Variants in EXD3 observed in about 807,000 individuals in gnomAD.
EXD3 encodes exonuclease mut-7 homolog.
EXD3 carries 92 observed loss-of-function variants against 98.0 expected under a neutral mutation model. The ratio of observed to expected loss-of-function variants is 0.94; its 90% CI spans 0.79 to 1.12. The LOEUF (loss-of-function observed/expected upper bound fraction) is 1.12, where lower values mean the gene tolerates loss of function less well. Among genes scored for constraint, EXD3 ranks in the 50% most tolerant of loss-of-function variants. The probability of loss-of-function intolerance (pLI) is 0.00; values close to 1 mark genes in which losing one functional copy is unlikely to be tolerated. For missense variants in EXD3, 1,222 were observed against 1,191.6 expected, an observed-to-expected ratio of 1.03 and a Z score of -0.38; for synonymous variants, 569 against 526.0, an observed-to-expected ratio of 1.08 and a Z score of -1.12.
chr9:137,330,479 TACACAGGAGCTACAC>T, intron 17 of EXD3, among the ~76,000 whole-genome samples: 4 of 129,626 alleles, frequency 3.1e-5, no homozygotes, highest in South Asian at 2.4e-4. Context: ...ACAAAGGAGC[TACACAGGAGCTACAC>T]AGGAGCTACA....
At chr9:137,327,990 T>A (rs73576740) in intron 17 of EXD3, among the ~76,000 whole-genome samples, 1 of 5,102 alleles carries the variant, frequency 2.0e-4, no homozygotes, top group East Asian at 9.4e-3. Context: ...TATACACCCA[T>A]ATGATGAGTA....
intron 2 of EXD3, among the ~76,000 whole-genome samples, chr9:137,384,283 G>A (rs1031610908): frequency 2.6e-5 from 4 of 152,376 alleles, no homozygotes; most frequent in African/African-American, 9.6e-5. Context: ...CGCCAGAGAA[G>A]CGTGTGTGAC....
At position 137,423,135 on chromosome 9, in the gene EXD3, A is replaced by C. The variant is rs2131860957; in HGVS notation, c.-69T>G. 6.6e-6 allele frequency: 1 copy of C among 151,282 alleles called. No homozygotes were observed. The highest frequency in any genetic ancestry group is 2.4e-5 in the African/African-American group (1 of 41,334). The allele number at this position is 151,282 out of a possible 1,614,324, so 9.4% of individuals were successfully genotyped here. A position where few individuals can be genotyped will look rare whatever the true frequency, so the allele number is the denominator to read the frequency against. On this transcript the variant is annotated 5_prime_UTR_variant, in exon 1 of 22. Transcript: ENST00000340951. ...TCACCTGCGGGGCCGGGACCGCCCC[A>C]CACCGTCCACGCCCGGCGCGGAACC...
In EXD3 at chr9:137,394,103, C is replaced by T. The variant is rs60501142; in HGVS notation, c.55+1200G>A. ...CCTCTGGCACTAGGCAGCTCCACTC[C>T]TTCCCAGCCGCCGCTTCCCTAACCC... is the stretch of plus-strand genomic sequence containing the variant. On this transcript the variant is annotated intron_variant, in intron 2 of 21. Transcript: ENST00000340951. Among the ~76,000 whole-genome samples, 568 of 151,956 alleles carry T rather than the reference C, an allele frequency of 3.7e-3. 11 individuals carry two copies. The East Asian group carries it at 0.063, about 17-fold the overall frequency.
chr9:137,422,782 G>A (rs2131859169), intron 1 of EXD3, among the ~76,000 whole-genome samples: 1 of 152,304 alleles, frequency 6.6e-6, no homozygotes, highest in East Asian at 1.9e-4. Flanking sequence ...TCCTCGGCGA[G>A]GGAGCGAAGG....
intron 17 of EXD3, among the ~76,000 whole-genome samples, chr9:137,346,238 C>CAAAAAAAAAA (rs563761495): frequency 0.018 from 249 of 13,612 alleles, 29 homozygotes; most frequent in Non-Finnish European, 0.023. Context: ...GACTCCGTCT[C>CAAAAAAAAAA]AAAAAAAAAA....
At chr9:137,379,133 G>T (rs188459594) in intron 3 of EXD3, among the ~76,000 whole-genome samples, 1 of 85,406 alleles carries the variant, frequency 1.2e-5, no homozygotes, top group African/African-American at 4.8e-5. Flanking sequence ...ATCTGTGTGA[G>T]GGGTACAGGG....
chr9:137,366,042 A>G, intron 7 of EXD3: 3 of 658,028 alleles, frequency 4.6e-6, no homozygotes, highest in South Asian at 3.0e-5. Flanking sequence ...ACACACATGC[A>G]CACACATGCA....
chr9:137,397,889 G>A (rs1284388084), intron 1 of EXD3, among the ~76,000 whole-genome samples: 1 of 152,108 alleles, frequency 6.6e-6, no homozygotes, highest in Non-Finnish European at 1.5e-5. Flanking sequence ...GCTGCAGTGA[G>A]CCGAGATCGC....
At chr9:137,408,133 T>C (rs1837819636) in intron 1 of EXD3, among the ~76,000 whole-genome samples, 1 of 152,156 alleles carries the variant, frequency 6.6e-6, no homozygotes, top group Admixed American at 6.5e-5. Flanking sequence ...TCGACTGCGC[T>C]GCGTGGGTGT....
At chr9:137,400,494 G>A (rs11522296) in intron 1 of EXD3, among the ~76,000 whole-genome samples, 33,383 of 152,090 alleles carry the variant, frequency 0.22, 4,199 homozygotes, top group East Asian at 0.33. Flanking sequence ...GGCCGGGCAT[G>A]GTGGCTCATT....
chr9:137,349,704 C>T lies in EXD3; in HGVS notation c.1495-173G>A, dbSNP rs149295911. Among the ~76,000 whole-genome samples the T allele has an allele frequency of 1.8e-4, 28 of 152,182 alleles. No homozygotes were observed. The East Asian group carries it at 4.7e-3, about 25-fold the overall frequency. On this transcript the variant is annotated intron_variant, in intron 14 of 21. Transcript: ENST00000340951. This position sits in a 1 kb window ranked among gnomAD's most constrained non-coding sequence, Gnocchi z 7.4. ...CGGACACATCCGAGGAGAGGCTCCA[C>T]GTGGGGGTCCCAGGCTGCAGGCACT...
At chr9:137,317,845 C>T (rs1831773355) in intron 19 of EXD3, among the ~76,000 whole-genome samples, 1 of 152,210 alleles carries the variant, frequency 6.6e-6, no homozygotes, top group African/African-American at 2.4e-5. Context: ...GCCCGTCTTC[C>T]TCCAGAGCTC....
chr9:137,408,565 A>AAAAAG (rs57478506), intron 1 of EXD3, among the ~76,000 whole-genome samples: 1 of 149,080 alleles, frequency 6.7e-6, no homozygotes, highest in African/African-American at 2.5e-5. Context: ...AAAAAAAAAA[A>AAAAAG]GAGGGCTCTG....
At chr9:137,382,186 GCGCGGAGGAGGTGAGGGCA>G (rs774242993) in intron 3 of EXD3, among the ~76,000 whole-genome samples, 2 of 150,798 alleles carry the variant, frequency 1.3e-5, no homozygotes, top group Non-Finnish European at 3.0e-5. Context: ...AGGTGAGGGC[GCGCGGAGGAGGTGAGGGCA>G]CAGACACAGG....
At chr9:137,406,866 C>A (rs960864763) in intron 1 of EXD3, among the ~76,000 whole-genome samples, 2 of 152,222 alleles carry the variant, frequency 1.3e-5, no homozygotes, top group East Asian at 1.9e-4. Flanking sequence ...TGCAGCCCGT[C>A]CCCCCTCAGC....
chr9:137,318,726 C>T lies in EXD3; in HGVS notation c.2184+4999G>A, dbSNP rs558404106. ...CATCCTCGCTCGAGGGGAGACCCTC[C>T]CTGCCTGGCTCAGGGGCACACGTGG... On this transcript the variant is annotated intron_variant, in intron 19 of 21. Transcript: ENST00000340951. Among the ~76,000 whole-genome samples, 428 of 152,216 alleles carry T rather than the reference C, an allele frequency of 2.8e-3. 5 individuals carry two copies. The highest frequency in any genetic ancestry group is 1.0e-2 in the African/African-American group (414 of 41,548).
chr9:137,410,853 T>C (rs1410346892), intron 1 of EXD3, among the ~76,000 whole-genome samples: 1 of 151,712 alleles, frequency 6.6e-6, no homozygotes, highest in East Asian at 1.9e-4. Context: ...AGGGCCTGAG[T>C]GAGGTCCAAG....
In EXD3 at chr9:137,352,857, C is replaced by T. The variant is rs1834382791; in HGVS notation, c.871-71G>A. On this transcript the variant is annotated intron_variant, in intron 10 of 21. Coordinates refer to ENST00000340951, the MANE Select transcript of EXD3 (RefSeq NM_017820.5). ...GCCACAGGGCCCTGCCCCGAGGGACCCCCGTAGACCCCGACCTTGCAGACT... is the reference window on the plus strand; with the variant it reads ...GCCACAGGGCCCTGCCCCGAGGGACTCCCGTAGACCCCGACCTTGCAGACT... The T allele has an allele frequency of 6.0e-6, 9 of 1,500,198 alleles. No homozygotes were observed. The South Asian group carries it at 1.0e-4, about 17-fold the overall frequency. The allele number at this position is 1,500,198 out of a possible 1,614,324, so 92.9% of individuals were successfully genotyped here. A position where few individuals can be genotyped will look rare whatever the true frequency, so the allele number is the denominator to read the frequency against.
Sources: allele counts gnomAD v4.1 joint callset (sites outside exome capture counted in the v4.1 genomes callset), GRCh38; gene constraint gnomAD v4.1.1; non-coding constraint Gnocchi (gnomAD v3.1); transcripts MANE v1.5; gene names NCBI Gene and HGNC (gene_info 2026-07-23, HGNC 2026-07-21).